The following EEF1D variants were observed in gnomAD, a reference collection of about 807,000 sequenced individuals.
EEF1D encodes the protein elongation factor 1-delta.
In EEF1D, 47 loss-of-function variants were observed where a neutral mutation model predicts 63.9. The observed-to-expected ratio is 0.74, with a 90% CI of 0.58 to 0.94. The LOEUF (loss-of-function observed/expected upper bound fraction) is 0.94. Among genes scored for constraint, EEF1D ranks in the 40% least tolerant of loss-of-function variants. EEF1D has a pLI of 0.00. For missense variants in EEF1D, 907 were observed against 899.0 expected, an observed-to-expected ratio of 1.01 and a Z score of -0.11; for synonymous variants, 412 against 386.1, an observed-to-expected ratio of 1.07 and a Z score of -0.79.
At chr8:143,579,853 G>A (rs1392138311) in intron 9 of EEF1D, 23 bp from the exon 10 acceptor site, 14 of 1,548,792 alleles carry the variant, frequency 9.0e-6, no homozygotes, top group South Asian at 2.5e-5. Context: ...GGAGGGTGAC[G>A]GTCAGGGCTG....
intron 2 of EEF1D, chr8:143,590,504 T>A: frequency 8.7e-7 from 1 of 1,151,028 alleles, no homozygotes; most frequent in Non-Finnish European, 1.1e-6. Context: ...AGGCCAGGCC[T>A]GGCCACCCCA....
rs1452706886 is a variant in EEF1D at position 143,590,036 on chromosome 8, C to T, written c.46G>A (p.Asp16Asn). ...ASCTLETVWE[D>N]KHKYEEAERR... ...TCGGCCTCCTCATACTTGTGCTTGTCTTCCCACACGGTCTCCAGGGTGCAG... is the reference window on the plus strand; with the variant it reads ...TCGGCCTCCTCATACTTGTGCTTGTTTTCCCACACGGTCTCCAGGGTGCAG... The change falls in exon 3 of 10, where the codon GAC becomes AAC. Residue 16 changes from aspartate (D) to asparagine (N), a missense_variant. Asp to Asn is a conservative substitution (Grantham distance 23). Transcript: ENST00000618139. 3 of 1,598,946 alleles carry T rather than the reference C, an allele frequency of 1.9e-6. No homozygotes were observed. The highest frequency in any genetic ancestry group is 1.3e-5 in the African/African-American group (1 of 74,922).
chr8:143,585,981 G>T, intron 5 of EEF1D: 1 of 464,290 alleles, frequency 2.2e-6, no homozygotes, highest in South Asian at 4.4e-5. Flanking sequence ...CCACAGGAGC[G>T]GCCAGTGTGA....
Position 143,589,615 on chromosome 8 carries a change from C to T in EEF1D, c.467G>A (p.Cys156Tyr). ...GLCTHGNQVA[C>Y]HHVTWGIWVN... ...CCAGATCCCCCAGGTCACGTGGTGG[C>T]AGGCCACCTGGTTTCCATGGGTGCA... Residue 156 changes from cysteine (C) to tyrosine (Y), a missense_variant, in exon 3 of 10, where the codon TGC becomes TAC. Transcript: ENST00000618139. 6.5e-7 allele frequency: 1 copy of T among 1,532,714 alleles called. No homozygotes were observed. The allele number at this position is 1,532,714 out of a possible 1,614,324, so 94.9% of individuals were successfully genotyped here.
At position 143,580,533 on chromosome 8, in the gene EEF1D, C is replaced by T. The variant is rs745777014; in HGVS notation, c.1683G>A (p.Lys561=). 3 of 1,612,900 alleles carry T rather than the reference C, an allele frequency of 1.9e-6. No homozygotes were observed. The highest frequency in any genetic ancestry group is 2.2e-5 in the South Asian group (2 of 91,052). ...KKAKKPALVA[K]SSILLDVKPW... ...GCTTGACATCCAGCAGGATGGAGGA[C>T]TTGGCCACCAGTGCAGGCTTCTTGG... is the stretch of plus-strand genomic sequence containing the variant. Residue 561 remains lysine (K), a synonymous_variant, in exon 8 of 10, where the codon AAG becomes AAA. Coordinates refer to ENST00000618139, the MANE Select transcript of EEF1D (RefSeq NM_001130053.5).
At chr8:143,582,809 A>G (rs1188509647) in intron 5 of EEF1D, 1 of 152,234 alleles carries the variant, frequency 6.6e-6, no homozygotes, top group Non-Finnish European at 1.5e-5. Context: ...CACCCAGTGC[A>G]GTCACAGCGG....
intron 1 of EEF1D, chr8:143,596,817 CA>C (rs1300463353): frequency 6.6e-6 from 1 of 152,278 alleles, no homozygotes; most frequent in Non-Finnish European, 1.5e-5. Flanking sequence ...CCACCCTATC[CA>C]AATCAAGAGA....
At chr8:143,590,681 G>C in intron 2 of EEF1D, 1 of 609,646 alleles carries the variant, frequency 1.6e-6, no homozygotes, top group Non-Finnish European at 2.1e-6. Flanking sequence ...GAGGCGGGCG[G>C]ATCACAGGGT....
chr8:143,586,591 C>A, intron 4 of EEF1D, 138 bp downstream of exon 4: 1 of 1,298,536 alleles, frequency 7.7e-7, no homozygotes, highest in Non-Finnish European at 1.0e-6. Flanking sequence ...TGCCCCGAGA[C>A]CCCACTCCCA....
At chr8:143,586,923 C>T (rs1826771006) in intron 3 of EEF1D, 71 bp from the exon 4 acceptor site, 4 of 1,588,626 alleles carry the variant, frequency 2.5e-6, no homozygotes, top group Non-Finnish European at 3.4e-6. Context: ...CCCAGAAGCA[C>T]CAAGGTGCAG....
In EEF1D at chr8:143,580,061, T is replaced by C; in HGVS notation, c.1856A>G (p.Lys619Arg). Residue 619 changes from lysine to arginine, a missense_variant, in exon 9 of 10, where the codon AAG becomes AGG. Transcript: ENST00000618139. ...CTCCTCCAGCAAGTCTGTCCCCACC[T>C]TGTCGTCCTCCACCACACACTGAAT... is the stretch of plus-strand genomic sequence containing the variant. ...LQIQCVVEDDKVGTDLLEEEI... is the reference protein window; with the variant it reads ...LQIQCVVEDDRVGTDLLEEEI... 1 of 1,614,016 alleles carries C rather than the reference T, an allele frequency of 6.2e-7. No homozygotes were observed. Among genetic ancestry groups the C allele is most frequent in the African/African-American group, 1.3e-5 (1 of 75,044 alleles).
intron 3 of EEF1D, 82 bp from the exon 4 acceptor site, chr8:143,586,934 T>G: frequency 1.9e-6 from 3 of 1,569,394 alleles, no homozygotes; most frequent in South Asian, 1.1e-5. Context: ...CAAGGTGCAG[T>G]GGGGCTGACA....
At chr8:143,592,824 G>C (rs1405352769) in intron 1 of EEF1D, 164 bp from the exon 2 acceptor site, 3 of 412,118 alleles carry the variant, frequency 7.3e-6, no homozygotes, top group Non-Finnish European at 9.8e-6. Context: ...CTGAGCGCCA[G>C]ACAGACCCGC....
Position 143,586,800 on chromosome 8 carries a change from A to T in EEF1D, c.1144T>A (p.Phe382Ile). Residue 382 changes from phenylalanine to isoleucine, a missense_variant, in exon 4 of 10, where the codon TTC becomes ATC. Coordinates refer to ENST00000618139, the MANE Select transcript of EEF1D (RefSeq NM_001130053.5). ...LAHEKIWFDKFKYDDAERRFY... is the reference protein window; with the variant it reads ...LAHEKIWFDKIKYDDAERRFY... ...CTCCTTTCTGCGTCGTCATATTTGA[A>T]CTTGTCGAACCAGATCTTCTCATGT... The T allele has an allele frequency of 6.2e-7, 1 of 1,614,176 alleles. No individual in the cohort carries two copies. The highest frequency in any genetic ancestry group is 8.5e-7 in the Non-Finnish European group (1 of 1,180,018).
In EEF1D at chr8:143,586,767, C is replaced by T. The variant is rs754445545; in HGVS notation, c.1177G>A (p.Glu393Lys). 21 of 1,614,038 alleles carry T rather than the reference C, an allele frequency of 1.3e-5. 1 individual carries two copies. In the Admixed American group the frequency reaches 2.3e-4, roughly 18 times the overall value. Reference protein sequence around the residue: ...KYDDAERRFYEQMNGPVAGAS... With the variant: ...KYDDAERRFYKQMNGPVAGAS... ...CCTGCCACAGGCCCGTTCATCTGCT[C>T]GTAGAATCTCCTTTCTGCGTCGTCA... Residue 393 changes from glutamate to lysine, a missense_variant, in exon 4 of 10, where the codon GAG becomes AAG. Physicochemically the swap from Glu to Lys is moderately conservative, Grantham distance 56. Coordinates refer to ENST00000618139, the MANE Select transcript of EEF1D (RefSeq NM_001130053.5).
In EEF1D at chr8:143,586,736, G is replaced by A. The variant is rs11548171; in HGVS notation, c.1208C>T (p.Ser403Phe). The A allele has an allele frequency of 6.2e-7, 1 of 1,613,462 alleles. No individual in the cohort carries two copies. The highest frequency in any genetic ancestry group is 1.1e-5 in the South Asian group (1 of 91,080). Residue 403 changes from serine (S) to phenylalanine (F), a missense_variant, in exon 4 of 10, where the codon TCC becomes TTC. Coordinates refer to ENST00000618139, the MANE Select transcript of EEF1D (RefSeq NM_001130053.5). ...CCCACGTGCAGCTCTCACCTGGCGG[G>A]AGGCACCTGCCACAGGCCCGTTCAT... ...EQMNGPVAGA[S>F]RQENGASVIL...
At chr8:143,593,509 C>T (rs1742176074) in intron 1 of EEF1D, among the ~76,000 whole-genome samples, 1 of 152,188 alleles carries the variant, frequency 6.6e-6, no homozygotes, top group Non-Finnish European at 1.5e-5. Context: ...ATCCGTCTTC[C>T]TTCACCAACG....
chr8:143,587,199 C>T (rs1304860494), intron 3 of EEF1D: 1 of 183,052 alleles, frequency 5.5e-6, no homozygotes, highest in Non-Finnish European at 1.1e-5. Flanking sequence ...GCAAAAACCT[C>T]AAGCAAGGCC....
chr8:143,589,665 A>G lies in EEF1D; in HGVS notation c.417T>C (p.Pro139=). The G allele has an allele frequency of 6.5e-7, 1 of 1,537,530 alleles. No individual in the cohort carries two copies. Among genetic ancestry groups the G allele is most frequent in the Non-Finnish European group, 8.8e-7 (1 of 1,141,362 alleles). The change falls in exon 3 of 10, where the codon CCT becomes CCC. Residue 139 remains proline (P), a synonymous_variant. Coordinates refer to ENST00000618139, the MANE Select transcript of EEF1D (RefSeq NM_001130053.5). ...LADVAAQAAW[P]PALAPWGLCT... ...AGAGACCCCAAGGGGCCAAGGCAGG[A>G]GGCCAGGCTGCCTGGGCAGCCACAT...
Sources: allele counts gnomAD v4.1 joint callset (sites outside exome capture counted in the v4.1 genomes callset), GRCh38; gene constraint gnomAD v4.1.1; transcripts MANE v1.5; gene names NCBI Gene and HGNC (gene_info 2026-07-23, HGNC 2026-07-21).